The following TASOR variants were observed in gnomAD, a reference collection of about 807,000 sequenced individuals.
The protein encoded by TASOR is transcription activation suppressor, also known as protein TASOR.
Under a neutral mutation model 178.6 loss-of-function variants are expected in TASOR, and 53 were observed. The ratio of observed to expected loss-of-function variants is 0.30; its 90% CI spans 0.24 to 0.37. The LOEUF is 0.37. TASOR is among the 10% of genes least tolerant of loss of function. TASOR has a pLI of 1.00. For synonymous variants in TASOR, 713 were observed against 696.2 expected, an observed-to-expected ratio of 1.02 and a Z score of -0.38; for missense variants, 1,815 against 1,971.4, an observed-to-expected ratio of 0.92 and a Z score of 1.50.
chr3:56,680,041 A>G (rs7643382), intron 1 of TASOR, among the ~76,000 whole-genome samples: 93,740 of 151,968 alleles, frequency 0.62, 31,516 homozygotes, highest in East Asian at 0.96. Context: ...TATTTAATGA[A>G]GGGGGGGAAC....
At chr3:56,626,190 G>C (rs2076795348) in intron 21 of TASOR, among the ~76,000 whole-genome samples, 1 of 152,032 alleles carries the variant, frequency 6.6e-6, no homozygotes, top group Non-Finnish European at 1.5e-5. Flanking sequence ...GTAGAATATA[G>C]TGTCCCAAAC....
At chr3:56,665,325 G>A (rs886747864) in intron 7 of TASOR, among the ~76,000 whole-genome samples, 6 of 152,058 alleles carry the variant, frequency 3.9e-5, no homozygotes, top group Non-Finnish European at 5.9e-5. Context: ...ATTTCCAAGG[G>A]TGCTAATACA....
Position 56,646,770 on chromosome 3 carries a change from T to C in TASOR, c.1967A>G (p.Asn656Ser), listed in dbSNP as rs35421452. Reference protein sequence around the residue: ...NGTKMKFGKRNNSRGEAIISG... With the variant: ...NGTKMKFGKRSNSRGEAIISG... ...TATAATGGCTTCACCTCTTGAGTTATTTCGTTTTCCAAATTTCATTTTTGT... is the reference window on the plus strand; with the variant it reads ...TATAATGGCTTCACCTCTTGAGTTACTTCGTTTTCCAAATTTCATTTTTGT... The change falls in exon 14 of 24, where the codon AAT (asparagine) becomes AGT (serine). Residue 656 changes from asparagine to serine, a missense_variant. Asn to Ser is a conservative substitution (Grantham distance 46). Around this residue, in one of 5 missense-constraint regions of TASOR, gnomAD observed 504 missense variants for 645.3 expected, o/e 0.78. Coordinates refer to ENST00000683822, the MANE Select transcript of TASOR (RefSeq NM_001365635.2). 3.7e-6 allele frequency: 6 copies of C among 1,613,848 alleles called. No individual in the cohort carries two copies. In the African/African-American group the frequency reaches 4.0e-5, roughly 11 times the overall value.
Position 56,633,364 on chromosome 3 carries a change from T to G in TASOR, c.3427A>C (p.Lys1143Gln). The stretch of plus-strand genomic sequence containing the variant: ...TGCTGCTCATCAGAGTTGGTATCTT[T>G]CAAAGGATCACTACACAGTGGCTCA... ...LLEPLCSDPL[K>Q]DTNSDEQHST... is the part of the protein sequence containing the mutation. The change falls in exon 18 of 24, where the codon AAA becomes CAA. Residue 1143 changes from lysine (K) to glutamine (Q), a missense_variant. Transcript: ENST00000683822. The G allele has an allele frequency of 1.2e-6, 2 of 1,614,190 alleles. No homozygotes were observed. Among genetic ancestry groups the G allele is most frequent in the Non-Finnish European group, 1.7e-6 (2 of 1,180,020 alleles).
At position 56,633,261 on chromosome 3, in the gene TASOR, A is replaced by C. The variant is rs369681222; in HGVS notation, c.3530T>G (p.Ile1177Ser). ...ATELMVTSDH[I>S]VPGDMAREPV... ...TTCCCGGGCCATATCACCAGGTACA[A>C]TATGATCAGAAGTCACCATTAACTC... Residue 1177 changes from isoleucine (I) to serine (S), a missense_variant, in exon 18 of 24, where the codon ATT (isoleucine) becomes AGT (serine). Around this residue, in one of 5 missense-constraint regions of TASOR, gnomAD observed 655 missense variants for 671.1 expected, o/e 0.98. Coordinates refer to ENST00000683822, the MANE Select transcript of TASOR (RefSeq NM_001365635.2). The C allele has an allele frequency of 1.2e-6, 2 of 1,614,066 alleles. No homozygotes were observed. The highest frequency in any genetic ancestry group is 2.7e-5 in the African/African-American group (2 of 74,934).
At chr3:56,638,652 T>G in intron 17 of TASOR, 54 bp downstream of exon 17, 3 of 1,587,352 alleles carry the variant, frequency 1.9e-6, no homozygotes, top group Non-Finnish European at 1.7e-6. Context: ...GAAATGCAAG[T>G]AGCAACTCTG....
chr3:56,676,574 T>C (rs2031317343), intron 1 of TASOR, among the ~76,000 whole-genome samples: 1 of 152,172 alleles, frequency 6.6e-6, no homozygotes, highest in Non-Finnish European at 1.5e-5. Context: ...TTTTAAAAGT[T>C]GGGTTTTACA....
chr3:56,623,072 T>A lies in TASOR; in HGVS notation c.4978A>T (p.Ser1660Cys), dbSNP rs1378009740. The change falls in exon 24 of 24, where the codon AGT becomes TGT. Residue 1660 changes from serine (S) to cysteine (C), a missense_variant. Physicochemically the swap from Ser to Cys is moderately radical, Grantham distance 112 (BLOSUM62 -1). This residue lies in a region of TASOR where 278 missense variants were observed against 257.1 expected (regional missense o/e 1.08). Coordinates refer to ENST00000683822, the MANE Select transcript of TASOR (RefSeq NM_001365635.2). ...KSPPPLSWGKSDSSRPYSQEK is the reference protein window; with the variant it reads ...KSPPPLSWGKCDSSRPYSQEK The stretch of plus-strand genomic sequence containing the variant: ...TGTGAATATGGCCTGGAAGAATCAC[T>A]TTTCCCCCAACTTAAGGGAGGTGGA... 6.3e-7 allele frequency: 1 copy of A among 1,593,698 alleles called. No individual in the cohort carries two copies. The highest frequency in any genetic ancestry group is 1.2e-5 in the South Asian group (1 of 86,430).
intron 11 of TASOR, among the ~76,000 whole-genome samples, chr3:56,653,928 C>T (rs943492567): frequency 2.0e-5 from 3 of 152,128 alleles, no homozygotes; most frequent in Non-Finnish European, 4.4e-5. Context: ...TATTTATTGA[C>T]TATTTTTCTG....
At chr3:56,653,402 AT>A (rs2107594298) in intron 11 of TASOR, among the ~76,000 whole-genome samples, 1 of 151,332 alleles carries the variant, frequency 6.6e-6, no homozygotes, top group Admixed American at 6.6e-5. Flanking sequence ...ACCAAGCTGG[AT>A]AAATAGAAAT....
At chr3:56,671,868 A>C (rs1355822144) in intron 2 of TASOR, among the ~76,000 whole-genome samples, 176 bp from the exon 3 acceptor site, 1 of 152,106 alleles carries the variant, frequency 6.6e-6, no homozygotes, top group Non-Finnish European at 1.5e-5. Flanking sequence ...CTTTATATAT[A>C]ATATTAATAT....
chr3:56,646,746 A>G lies in TASOR; in HGVS notation c.1991T>C (p.Ile664Thr). ...KRNNSRGEAI[I>T]SGKQRSSHSL... ...ATGAGATGATCTTTGCTTTCCAGAT[A>G]TAATGGCTTCACCTCTTGAGTTATT... The change falls in exon 14 of 24, where the codon ATA becomes ACA. Residue 664 changes from isoleucine to threonine, a missense_variant. By Grantham distance (89) the Ile-to-Thr change is moderately conservative. Transcript: ENST00000683822. 1 of 1,614,000 alleles carries G rather than the reference A, an allele frequency of 6.2e-7. No individual in the cohort carries two copies. The highest frequency in any genetic ancestry group is 1.1e-5 in the South Asian group (1 of 91,078).
intron 23 of TASOR, 39 bp from the exon 24 acceptor site, chr3:56,623,605 A>G: frequency 1.3e-6 from 2 of 1,544,500 alleles, no homozygotes; most frequent in Non-Finnish European, 1.7e-6. Flanking sequence ...CTATTGAAAT[A>G]CACAGTTTGT....
Position 56,623,319 on chromosome 3 carries a change from T to C in TASOR, c.4731A>G (p.Val1577=), listed in dbSNP as rs758775565. ...DSEERTSIDI[V]CSEGENSNST... Reference sequence around the variant, plus strand: ...AATTGCTGTTCTCTCCTTCAGAGCATACTATATCAATAGAAGTTCTCTCTT... The same window carrying C: ...AATTGCTGTTCTCTCCTTCAGAGCACACTATATCAATAGAAGTTCTCTCTT... The change falls in exon 24 of 24, where the codon GTA becomes GTG. Residue 1577 remains valine, a synonymous_variant. Coordinates refer to ENST00000683822, the MANE Select transcript of TASOR (RefSeq NM_001365635.2). The C allele has an allele frequency of 3.1e-6, 5 of 1,613,574 alleles. No homozygotes were observed. The highest frequency in any genetic ancestry group is 1.3e-5 in the African/African-American group (1 of 75,052).
intron 8 of TASOR, among the ~76,000 whole-genome samples, chr3:56,662,714 G>T (rs988321263): frequency 3.9e-5 from 6 of 152,036 alleles, no homozygotes; most frequent in Non-Finnish European, 7.4e-5. Context: ...CAGTTGCAAA[G>T]AATAACAAAT....
At chr3:56,635,902 G>T (rs1282060174) in intron 17 of TASOR, among the ~76,000 whole-genome samples, 1 of 152,128 alleles carries the variant, frequency 6.6e-6, no homozygotes, top group Non-Finnish European at 1.5e-5. Flanking sequence ...AATCCACATG[G>T]AGAATTTTCC....
Position 56,670,112 on chromosome 3 carries a change from C to G in TASOR, c.604G>C (p.Gly202Arg). The G allele has an allele frequency of 6.5e-7, 1 of 1,540,346 alleles. No homozygotes were observed. The highest frequency in any genetic ancestry group is 8.8e-7 in the Non-Finnish European group (1 of 1,142,054). Residue 202 changes from glycine (G) to arginine (R), a missense_variant, in exon 4 of 24, where the codon GGT (glycine) becomes CGT (arginine). Physicochemically the swap from Gly to Arg is moderately radical, Grantham distance 125. This residue lies in a region of TASOR where 504 missense variants were observed against 645.3 expected (regional missense o/e 0.78). Coordinates refer to ENST00000683822, the MANE Select transcript of TASOR (RefSeq NM_001365635.2). ...QTICEKGLHV[G>R]QSKITILGSP... ...CCAAGAATTGTTATTTTGGACTGAC[C>G]CACATGTAATCCTTTTTCACATATG...
intron 11 of TASOR, among the ~76,000 whole-genome samples, chr3:56,654,126 G>C (rs1022223926): frequency 6.6e-5 from 10 of 152,066 alleles, no homozygotes; most frequent in Non-Finnish European, 1.2e-4. Flanking sequence ...AATTAGCCAG[G>C]TGTCATGGAG....
intron 11 of TASOR, among the ~76,000 whole-genome samples, chr3:56,655,545 T>G (rs548236271): frequency 6.6e-6 from 1 of 151,806 alleles, no homozygotes; most frequent in Non-Finnish European, 1.5e-5. Context: ...GGCATGAGGG[T>G]TGCTTAAGGC....
Sources: allele counts gnomAD v4.1 joint callset (sites outside exome capture counted in the v4.1 genomes callset), GRCh38; gene constraint gnomAD v4.1.1; regional missense constraint gnomAD v4.1.1; transcripts MANE v1.5; gene names NCBI Gene and HGNC (gene_info 2026-07-23, HGNC 2026-07-21).